DNM3: variants seen among roughly 807,000 people sequenced by gnomAD.
The protein encoded by DNM3 is dynamin 3.
Under a neutral mutation model 101.6 loss-of-function variants are expected in DNM3, and 47 were observed. The ratio of observed to expected loss-of-function variants is 0.46; its 90% CI spans 0.37 to 0.59. DNM3 has a LOEUF of 0.59. Among genes scored for constraint, DNM3 ranks in the 20% least tolerant of loss-of-function variants. DNM3 has a pLI of 0.00. For synonymous variants in DNM3, 385 were observed against 387.9 expected (o/e 0.99, Z 0.09); for missense variants, 849 against 1,085.7 (o/e 0.78, Z 3.06).
chr1:172,376,593 A>G (rs1396377752), intron 17 of DNM3: 1 of 152,106 alleles, frequency 6.6e-6, no homozygotes, highest in African/African-American at 2.4e-5. Context: ...TTTCCCGTTC[A>G]TCTTAGACAT....
chr1:172,133,260 G>A, intron 14 of DNM3: 3 of 1,074,316 alleles, frequency 2.8e-6, no homozygotes, highest in Non-Finnish European at 3.4e-6. Context: ...GGCTTGGTGA[G>A]CTCTTGGTTA....
intron 11 of DNM3, among the ~76,000 whole-genome samples, chr1:172,071,020 G>A (rs990051292): frequency 6.9e-6 from 1 of 145,538 alleles, no homozygotes; most frequent in South Asian, 2.2e-4. Flanking sequence ...AGCCTGGGAG[G>A]TTGAGGCTGC....
chr1:172,194,245 T>C (rs925310114), intron 14 of DNM3, among the ~76,000 whole-genome samples: 2 of 152,184 alleles, frequency 1.3e-5, no homozygotes, highest in Non-Finnish European at 2.9e-5. Context: ...ATAAAGTCTG[T>C]TGTTTTACAT....
chr1:172,142,628 T>C (rs930329520), intron 14 of DNM3, among the ~76,000 whole-genome samples: 1 of 151,654 alleles, frequency 6.6e-6, no homozygotes, highest in African/African-American at 2.4e-5. Context: ...GAGGGACCCA[T>C]AGGGATTCAT....
At chr1:172,314,172 G>T (rs2065206502) in intron 16 of DNM3, among the ~76,000 whole-genome samples, 1 of 152,154 alleles carries the variant, frequency 6.6e-6, no homozygotes, top group African/African-American at 2.4e-5. Flanking sequence ...GTTTATTGCA[G>T]CACTGTTCAC....
intron 1 of DNM3, among the ~76,000 whole-genome samples, chr1:171,852,534 A>T (rs946047050): frequency 2.6e-5 from 4 of 152,364 alleles, no homozygotes; most frequent in Admixed American, 2.6e-4. Flanking sequence ...CACTGTCAGG[A>T]TACCCAGGCT....
chr1:172,396,965 C>T (rs2070056678), intron 20 of DNM3, among the ~76,000 whole-genome samples: 1 of 151,984 alleles, frequency 6.6e-6, no homozygotes, highest in African/African-American at 2.4e-5. Flanking sequence ...CATTCTGTAC[C>T]ATGTGTATTT....
At chr1:172,386,136 G>A (rs9425589) in intron 18 of DNM3, among the ~76,000 whole-genome samples, 72,123 of 151,988 alleles carry the variant, frequency 0.47, 20,241 homozygotes, top group East Asian at 0.87. Context: ...GAAGCCACTT[G>A]GTATATACCA....
chr1:172,179,837 A>G (rs1204716536), intron 14 of DNM3, among the ~76,000 whole-genome samples: 1 of 151,958 alleles, frequency 6.6e-6, no homozygotes, highest in African/African-American at 2.4e-5. Context: ...TTACTTTTTT[A>G]TGTATTAAAA....
chr1:171,992,127 A>G (rs968175752), intron 4 of DNM3, among the ~76,000 whole-genome samples: 3 of 152,198 alleles, frequency 2.0e-5, no homozygotes, highest in Admixed American at 6.5e-5. Flanking sequence ...AACTAAAAAA[A>G]TTGGCCAACT....
chr1:172,314,247 G>T (rs576021526), intron 16 of DNM3, among the ~76,000 whole-genome samples: 1 of 152,150 alleles, frequency 6.6e-6, no homozygotes, highest in South Asian at 2.1e-4. Context: ...ATGTGGCACA[G>T]GGGGAGGAGC....
intron 6 of DNM3, among the ~76,000 whole-genome samples, chr1:172,033,491 AAC>A (rs1026884613): frequency 1.3e-5 from 2 of 152,158 alleles, no homozygotes; most frequent in African/African-American, 4.8e-5. Flanking sequence ...TCAAAGCAGA[AAC>A]ACATACCTAT....
chr1:171,934,817 T>C (rs1184074496), intron 2 of DNM3, among the ~76,000 whole-genome samples: 1 of 152,228 alleles, frequency 6.6e-6, no homozygotes, highest in African/African-American at 2.4e-5. Context: ...TCAGGACAGA[T>C]ACTATGTGGG....
chr1:172,075,942 T>C (rs1313897682), intron 11 of DNM3, among the ~76,000 whole-genome samples: 1 of 152,252 alleles, frequency 6.6e-6, no homozygotes, highest in East Asian at 1.9e-4. Context: ...TTCCTATCCA[T>C]GAGCAAGGGA....
intron 13 of DNM3, chr1:172,093,768 T>C (rs1323476486): frequency 6.3e-7 from 1 of 1,583,408 alleles, no homozygotes; most frequent in African/African-American, 1.4e-5. Context: ...CTTTTTCATT[T>C]AGCTTCCCAA....
At chr1:172,026,272 G>C (rs1406180011) in intron 4 of DNM3, among the ~76,000 whole-genome samples, 2 of 152,082 alleles carry the variant, frequency 1.3e-5, no homozygotes, top group Non-Finnish European at 1.5e-5. Context: ...AGAATGCAAA[G>C]GAATGAACAA....
At chr1:172,036,467 A>C (rs2048974281) in intron 6 of DNM3, among the ~76,000 whole-genome samples, 1 of 152,014 alleles carries the variant, frequency 6.6e-6, no homozygotes, top group Non-Finnish European at 1.5e-5. Flanking sequence ...ATGGAACAGA[A>C]CAGAGCCCTC....
intron 1 of DNM3, among the ~76,000 whole-genome samples, chr1:171,902,687 C>G (rs780157844): frequency 6.6e-6 from 1 of 151,786 alleles, no homozygotes; most frequent in South Asian, 2.1e-4. Context: ...AATTCAGAAG[C>G]AACATACTTT....
chr1:172,192,206 G>A (rs1023657869), intron 14 of DNM3, among the ~76,000 whole-genome samples: 1 of 151,928 alleles, frequency 6.6e-6, no homozygotes, highest in African/African-American at 2.4e-5. Flanking sequence ...TAGCGTGAAG[G>A]GCTGTTGAAT....
Sources: allele counts gnomAD v4.1 joint callset (sites outside exome capture counted in the v4.1 genomes callset), GRCh38; gene constraint gnomAD v4.1.1; transcripts MANE v1.5; gene names NCBI Gene and HGNC (gene_info 2026-07-23, HGNC 2026-07-21).